Variants in SLC27A4 observed in about 807,000 individuals in gnomAD.
SLC27A4 encodes the protein long-chain fatty acid transport protein 4.
A neutral mutation model predicts 64.4 loss-of-function variants in SLC27A4; 33 were observed. The ratio of observed to expected loss-of-function variants is 0.51; its 90% CI spans 0.39 to 0.68. The LOEUF (loss-of-function observed/expected upper bound fraction) is 0.68, where lower values mean the gene tolerates loss of function less well. SLC27A4 is among the 30% of genes least tolerant of loss of function. SLC27A4 has a pLI of 0.00. For synonymous variants in SLC27A4, 377 were observed against 370.0 expected, an observed-to-expected ratio of 1.02 and a Z score of -0.22; for missense variants, 824 against 883.5, an observed-to-expected ratio of 0.93 and a Z score of 0.85.
rs947507561 is a variant in SLC27A4 at position 128,355,556 on chromosome 9, G to A, written c.1621G>A (p.Val541Met). 3 of 1,610,486 alleles carry A rather than the reference G, an allele frequency of 1.9e-6. No individual in the cohort carries two copies. Among genetic ancestry groups the A allele is most frequent in the Admixed American group, 1.7e-5 (1 of 60,004 alleles). The stretch of plus-strand genomic sequence containing the variant: ...TGACGTGGCCGTGTATGGTGTCGAG[G>A]TGCCAGGTATGTGCAGGCAGGCGCG... Reference protein sequence around the residue: ...MADVAVYGVEVPGTEGRAGMA... With the variant: ...MADVAVYGVEMPGTEGRAGMA... Residue 541 changes from valine to methionine, a missense_variant, in exon 11 of 13, where the codon GTG becomes ATG. Transcript: ENST00000300456.
intron 6 of SLC27A4, 111 bp from the exon 7 acceptor site, chr9:128,352,526 AG>A (rs1832752301): frequency 2.4e-6 from 2 of 847,954 alleles, no homozygotes; most frequent in East Asian, 5.2e-5. Context: ...TGTGAGGTGC[AG>A]AAGCCTGCAG....
intron 1 of SLC27A4, 60 bp downstream of exon 1, chr9:128,340,898 C>A: frequency 1.8e-6 from 1 of 545,820 alleles, no homozygotes; most frequent in South Asian, 2.2e-5. Flanking sequence ...CCGAGTCGGG[C>A]GAGGTGGCGG....
In SLC27A4 at chr9:128,343,168, G is replaced by C. The variant is rs1273355497; in HGVS notation, c.36G>C (p.Leu12=). 6 of 1,613,980 alleles carry C rather than the reference G, an allele frequency of 3.7e-6. No individual in the cohort carries two copies. Among genetic ancestry groups the C allele is most frequent in the African/African-American group, 1.3e-5 (1 of 74,912 alleles). ...GAGCCTCTCTGGTGGGGGTGCTGCT[G>C]TTCTCCAAGCTGGTGCTGAAACTGC... ...LLGASLVGVL[L]FSKLVLKLPW... The change falls in exon 2 of 13, where the codon CTG becomes CTC. Residue 12 remains leucine (L), a synonymous_variant. Transcript: ENST00000300456.
At position 128,356,015 on chromosome 9, in the gene SLC27A4, C is replaced by T. The variant is rs968949752; in HGVS notation, c.1774+219C>T. Among the ~76,000 whole-genome samples the T allele has an allele frequency of 6.1e-5, 9 of 148,076 alleles. No homozygotes were observed. In the South Asian group the frequency reaches 6.3e-4, roughly 10 times the overall value. ...AGGTGCCAGGCACAGCGCTAAGCCT[C>T]GGGATACGGCTGGTGAGCTCTGGAT... On this transcript the variant is annotated intron_variant, in intron 12 of 12. Transcript: ENST00000300456.
rs375873026 is a variant in SLC27A4 at position 128,345,104 on chromosome 9, C to T, written c.162-51C>T. 18 of 1,609,774 alleles carry T rather than the reference C, an allele frequency of 1.1e-5. 1 individual carries two copies. The South Asian group carries it at 1.9e-4, about 17-fold the overall frequency. Reference sequence around the variant, plus strand: ...GCAGCCTGGGGTAGGGTGTCAGGACCCCTCCCTCCCAACCATGGCAGACAC... The same window carrying T: ...GCAGCCTGGGGTAGGGTGTCAGGACTCCTCCCTCCCAACCATGGCAGACAC... On this transcript the variant is annotated intron_variant, in intron 2 of 12. Transcript: ENST00000300456. This position sits in a 1 kb window ranked among gnomAD's most constrained non-coding sequence, Gnocchi z 4.1.
chr9:128,348,786 T>C (rs1832694607), intron 4 of SLC27A4, 83 bp downstream of exon 4: 7 of 1,434,090 alleles, frequency 4.9e-6, no homozygotes, highest in Non-Finnish European at 6.8e-6. Context: ...AGGAGGCTTT[T>C]CTGGAAACTT....
At position 128,348,613 on chromosome 9, in the gene SLC27A4, G is replaced by A. The variant is rs2240953; in HGVS notation, c.625G>A (p.Gly209Ser). 0.056 allele frequency: 90,107 copies of A among 1,613,692 alleles called. 4,045 individuals are homozygous for A. The highest frequency in any genetic ancestry group is 0.21 in the East Asian group (9,619 of 44,858). ...SLFCSGSWEP[G>S]AVPPSTEHLD... Reference sequence around the variant, plus strand: ...CTTCTGCTCTGGCTCCTGGGAGCCCGGTGCGGTGCCTCCAAGCACAGAACA... The same window carrying A: ...CTTCTGCTCTGGCTCCTGGGAGCCCAGTGCGGTGCCTCCAAGCACAGAACA... The change falls in exon 4 of 13, where the codon GGT (glycine) becomes AGT (serine). Residue 209 changes from glycine (G) to serine (S), a missense_variant. Gly to Ser is a moderately conservative substitution (Grantham distance 56, BLOSUM62 0). Coordinates refer to ENST00000300456, the MANE Select transcript of SLC27A4 (RefSeq NM_005094.4).
chr9:128,352,615 AG>A, intron 6 of SLC27A4, 22 bp from the exon 7 acceptor site: 2 of 1,587,074 alleles, frequency 1.3e-6, no homozygotes, highest in Non-Finnish European at 1.7e-6. Context: ...GCTGACCCTC[AG>A]GGGCCATCCC....
chr9:128,343,407 T>C, intron 2 of SLC27A4, 114 bp downstream of exon 2: 1 of 1,281,512 alleles, frequency 7.8e-7, no homozygotes, highest in Non-Finnish European at 1.1e-6. Flanking sequence ...GCAGCTGAGC[T>C]GAGTTCCAGA....
chr9:128,351,953 G>A (rs1588561316), intron 6 of SLC27A4, among the ~76,000 whole-genome samples: 1 of 151,284 alleles, frequency 6.6e-6, no homozygotes, highest in Non-Finnish European at 1.5e-5. Flanking sequence ...TTGGGAGGCC[G>A]AGGCGGGCGG....
intron 12 of SLC27A4, among the ~76,000 whole-genome samples, chr9:128,357,178 C>T (rs565691891): frequency 6.7e-6 from 1 of 148,882 alleles, no homozygotes; most frequent in South Asian, 2.1e-4. Context: ...ATGAGAAGCA[C>T]TTGAACCTGG....
Position 128,345,343 on chromosome 9 carries a change from TC to T in SLC27A4, c.352del (p.Leu118CysfsTer105). The T allele has an allele frequency of 6.2e-7, 1 of 1,613,730 alleles. No homozygotes were observed. Among genetic ancestry groups the T allele is most frequent in the South Asian group, 1.1e-5 (1 of 91,064 alleles). On this transcript the variant is annotated frameshift_variant, in exon 3 of 13. Coordinates refer to ENST00000300456, the MANE Select transcript of SLC27A4 (RefSeq NM_005094.4). LOFTEE classifies it high-confidence loss of function. This position sits in a 1 kb window ranked among gnomAD's most constrained non-coding sequence, Gnocchi z 4.1. ...GAGTACTCAAGCAGTGTAGCCAACT[TC>T]CTGCAGGCCCGGGGCCTGGCCTCGG... ...LDEYSSSVANFLQARGLASGD... is the reference protein window; with the variant it reads ...LDEYSSSVANXLQARGLASGD...
chr9:128,355,449 C>G lies in SLC27A4; in HGVS notation c.1514C>G (p.Thr505Ser). 6.2e-7 allele frequency: 1 copy of G among 1,613,602 alleles called. No individual in the cohort carries two copies. Among genetic ancestry groups the G allele is most frequent in the Non-Finnish European group, 8.5e-7 (1 of 1,179,968 alleles). ...GGCTACCTGTACTTCCGAGACCGCA[C>G]TGGGGACACGTTCCGCTGGAAAGGT... ...ELGYLYFRDR[T>S]GDTFRWKGEN... is the part of the protein sequence containing the mutation. Residue 505 changes from threonine to serine, a missense_variant, in exon 11 of 13, where the codon ACT (threonine) becomes AGT (serine). Thr to Ser is a moderately conservative substitution (Grantham distance 58). Coordinates refer to ENST00000300456, the MANE Select transcript of SLC27A4 (RefSeq NM_005094.4).
rs1264158721 is a variant in SLC27A4 at position 128,340,650 on chromosome 9, C to CGCGGCGGGCGGGGCCGG, written c.-180_-164dup. 31 of 286,676 alleles carry CGCGGCGGGCGGGGCCGG rather than the reference C, an allele frequency of 1.1e-4. No individual in the cohort carries two copies. Among genetic ancestry groups the CGCGGCGGGCGGGGCCGG allele is most frequent in the East Asian group, 4.2e-4 (8 of 18,860 alleles). 17.8% of individuals were successfully genotyped at this position (286,676 alleles called of 1,614,324 possible). On this transcript the variant is annotated 5_prime_UTR_variant, in exon 1 of 13. Coordinates refer to ENST00000300456, the MANE Select transcript of SLC27A4 (RefSeq NM_005094.4). ...GTGCGGGAGGCGGGCGGGGTAGGAG[C>CGCGGCGGGCGGGGCCGG]GCGGCGGGCGGGGCCGGGCGGCGGG...
In SLC27A4 at chr9:128,355,484, TC is replaced by T; in HGVS notation, c.1551del (p.Thr518ProfsTer94). 6.3e-7 allele frequency: 1 copy of T among 1,593,988 alleles called. No homozygotes were observed. The highest frequency in any genetic ancestry group is 8.6e-7 in the Non-Finnish European group (1 of 1,167,294). ...DTFRWKGENV[S>X]TTEVEGTLSR... ...GTTCCGCTGGAAAGGTGAGAACGTGTCCACCACCGAGGTGGAAGGCACACTC... is the reference window on the plus strand; with the variant it reads ...GTTCCGCTGGAAAGGTGAGAACGTGTCACCACCGAGGTGGAAGGCACACTC... On this transcript the variant is annotated frameshift_variant, in exon 11 of 13. Transcript: ENST00000300456. LOFTEE classifies it high-confidence loss of function.
intron 1 of SLC27A4, among the ~76,000 whole-genome samples, chr9:128,341,618 CG>C (rs1170887122): frequency 6.6e-6 from 1 of 152,188 alleles, no homozygotes; most frequent in African/African-American, 2.4e-5. Context: ...AGACGCACTG[CG>C]ATACCTGAGT....
chr9:128,355,351 C>A, intron 10 of SLC27A4, 47 bp from the exon 11 acceptor site: 1 of 1,611,382 alleles, frequency 6.2e-7, no homozygotes, highest in Non-Finnish European at 8.5e-7. Flanking sequence ...GAGCCCTGGT[C>A]TCAGAGCTGG....
At chr9:128,357,261 C>CAA (rs1007585471) in intron 12 of SLC27A4, among the ~76,000 whole-genome samples, 3,938 of 50,886 alleles carry the variant, frequency 0.077, 191 homozygotes, top group East Asian at 0.22. Context: ...GACTCTGTCT[C>CAA]AAAAAAAAAA....
intron 6 of SLC27A4, among the ~76,000 whole-genome samples, chr9:128,351,385 C>T (rs1832734118): frequency 6.6e-6 from 1 of 151,848 alleles, no homozygotes; most frequent in Admixed American, 6.6e-5. Flanking sequence ...TGAGATCACG[C>T]CACTGCACTC....
Sources: allele counts gnomAD v4.1 joint callset (sites outside exome capture counted in the v4.1 genomes callset), GRCh38; gene constraint gnomAD v4.1.1; non-coding constraint Gnocchi (gnomAD v3.1); transcripts MANE v1.5; gene names NCBI Gene and HGNC (gene_info 2026-07-23, HGNC 2026-07-21).